The following ENOSF1 variants were observed in gnomAD, a reference collection of about 807,000 sequenced individuals.
ENOSF1 encodes the protein enolase superfamily member 1.
ENOSF1 carries 73 observed loss-of-function variants against 68.2 expected under a neutral mutation model. The observed-to-expected ratio is 1.07, with a 90% CI of 0.89 to 1.30. The LOEUF is 1.30. Ranked by LOEUF, ENOSF1 falls within the 50% of genes most tolerant of loss-of-function variation. The pLI is 0.00. For missense variants in ENOSF1, 589 were observed against 554.5 expected, an observed-to-expected ratio of 1.06 and a Z score of -0.62; for synonymous variants, 223 against 210.4, an observed-to-expected ratio of 1.06 and a Z score of -0.52.
downstream of ENOSF1, among the ~76,000 whole-genome samples, chr18:667,157 ATGGAGATGGTGATGGT>A (rs2074854927): frequency 5.2e-5 from 5 of 95,542 alleles, no homozygotes; most frequent in Admixed American, 9.3e-5. Context: ...GGTGATGGTG[ATGGAGATGGTGATGGT>A]GATGGTGATG....
intron 12 of ENOSF1, chr18:678,479 C>T (rs929607962): frequency 3.7e-5 from 20 of 535,354 alleles, no homozygotes; most frequent in African/African-American, 3.6e-4. Context: ...GAAAAAGATA[C>T]CCGACCTTAG....
At position 671,216 on chromosome 18, in the gene ENOSF1, T is replaced by C. The variant is rs904041316; in HGVS notation, c.*3089A>G. On this transcript the variant is annotated 3_prime_UTR_variant, in exon 16 of 16. Coordinates refer to ENST00000647584, the MANE Select transcript of ENOSF1 (RefSeq NM_017512.7). ...TGAGGTCTGGAGTTCAATACCAGCCTGGGCAACATAACAAGATGCTGTTGC... is the reference window on the plus strand; with the variant it reads ...TGAGGTCTGGAGTTCAATACCAGCCCGGGCAACATAACAAGATGCTGTTGC... 10 of 640,926 alleles carry C rather than the reference T, an allele frequency of 1.6e-5. No individual in the cohort carries two copies. Among genetic ancestry groups the C allele is most frequent in the Non-Finnish European group, 2.5e-5 (9 of 364,266 alleles). The allele number at this position is 640,926 out of a possible 1,614,324, so 39.7% of individuals were successfully genotyped here.
At chr18:703,709 G>A (rs187323744) in intron 2 of ENOSF1, among the ~76,000 whole-genome samples, 1 of 152,282 alleles carries the variant, frequency 6.6e-6, no homozygotes. Flanking sequence ...CCTTCCCTGA[G>A]CCTTTTGGAC....
At chr18:684,191 T>G (rs989767947) in intron 10 of ENOSF1, among the ~76,000 whole-genome samples, 2 of 151,862 alleles carry the variant, frequency 1.3e-5, no homozygotes, top group Non-Finnish European at 2.9e-5. Flanking sequence ...GAGACGGGGT[T>G]TCACCATGTT....
intron 7 of ENOSF1, chr18:690,832 G>C: frequency 7.0e-7 from 1 of 1,433,722 alleles, no homozygotes; most frequent in South Asian, 1.5e-5. Context: ...CTCCCCCAGG[G>C]CTCTCCCTAC....
chr18:685,105 C>A (rs1208393934), intron 10 of ENOSF1, among the ~76,000 whole-genome samples: 3 of 152,094 alleles, frequency 2.0e-5, no homozygotes, highest in Non-Finnish European at 4.4e-5. Flanking sequence ...CTCAAGTGAT[C>A]CACCTGCTTC....
At chr18:680,223 G>C (rs1322387429) in intron 11 of ENOSF1, among the ~76,000 whole-genome samples, 1 of 152,202 alleles carries the variant, frequency 6.6e-6, no homozygotes, top group African/African-American at 2.4e-5. Flanking sequence ...AGCCCCGCCT[G>C]TGCCACCCAA....
intron 11 of ENOSF1, 64 bp from the exon 12 acceptor site, chr18:678,801 A>T: frequency 1.3e-6 from 2 of 1,540,542 alleles, no homozygotes; most frequent in Non-Finnish European, 1.8e-6. Flanking sequence ...CCTAATGTTT[A>T]AAAACATTTA....
At chr18:670,104 T>G (rs1134338), downstream of ENOSF1, among the ~76,000 whole-genome samples, 1 of 151,378 alleles carries the variant, frequency 6.6e-6, no homozygotes, top group East Asian at 1.9e-4. Context: ...AGTGCAGTGG[T>G]GTGATCTCCG....
chr18:672,282 A>AAGTT lies in ENOSF1; in HGVS notation c.*2019_*2022dup, dbSNP rs1390042114. The AAGTT allele has an allele frequency of 2.0e-5, 3 of 152,206 alleles. No homozygotes were observed. Among genetic ancestry groups the AAGTT allele is most frequent in the African/African-American group, 7.2e-5 (3 of 41,440 alleles). 9.4% of individuals were successfully genotyped at this position (152,206 alleles called of 1,614,324 possible). A position where few individuals can be genotyped will look rare whatever the true frequency, so the allele number is the denominator to read the frequency against. On this transcript the variant is annotated 3_prime_UTR_variant, in exon 16 of 16. Transcript: ENST00000647584. ...CTTCCAGGTTAGATCCAGGTTTTAA[A>AAGTT]AGTTACTCCTTTGAGGGAGTTTGGC...
chr18:697,250 T>C lies in ENOSF1; in HGVS notation c.299A>G (p.Gln100Arg). The change falls in exon 3 of 16, where the codon CAG becomes CGG. Residue 100 changes from glutamine to arginine, a missense_variant. Physicochemically the swap from Gln to Arg is conservative, Grantham distance 43. Coordinates refer to ENST00000647584, the MANE Select transcript of ENOSF1 (RefSeq NM_017512.7). Reference protein sequence around the residue: ...GFYRQLTSDGQLRWIGPEKGV... With the variant: ...GFYRQLTSDGRLRWIGPEKGV... ...AAATAGGTCCCTTACCCATCTGAGC[T>C]GCCCATCACTTGTGAGCTGCCTATA... The C allele has an allele frequency of 6.2e-7, 1 of 1,613,490 alleles. No individual in the cohort carries two copies. Among genetic ancestry groups the C allele is most frequent in the Non-Finnish European group, 8.5e-7 (1 of 1,179,386 alleles).
Position 673,214 on chromosome 18 carries a change from T to C in ENOSF1, c.*1091A>G. On this transcript the variant is annotated 3_prime_UTR_variant, in exon 16 of 16. Transcript: ENST00000647584. Reference sequence around the variant, plus strand: ...GCTTTGAGTTAACTCACTGAGGGTATCTGACAATGCTGAGGTTATGAACAA... The same window carrying C: ...GCTTTGAGTTAACTCACTGAGGGTACCTGACAATGCTGAGGTTATGAACAA... 1 of 418,188 alleles carries C rather than the reference T, an allele frequency of 2.4e-6. No individual in the cohort carries two copies. The highest frequency in any genetic ancestry group is 4.2e-6 in the Non-Finnish European group (1 of 237,604). 25.9% of individuals were successfully genotyped at this position (418,188 alleles called of 1,614,324 possible). A position where few individuals can be genotyped will look rare whatever the true frequency, so the allele number is the denominator to read the frequency against.
intron 2 of ENOSF1, among the ~76,000 whole-genome samples, chr18:706,180 C>T (rs1407023925): frequency 1.3e-5 from 2 of 152,034 alleles, no homozygotes; most frequent in Non-Finnish European, 2.9e-5. Flanking sequence ...AGGTGAAAAG[C>T]ATCCTTGTAG....
At chr18:697,062 A>C (rs2077805262) in intron 3 of ENOSF1, among the ~76,000 whole-genome samples, 178 bp downstream of exon 3, 1 of 152,196 alleles carries the variant, frequency 6.6e-6, no homozygotes, top group African/African-American at 2.4e-5. Context: ...GGTTGCAGTG[A>C]GCCAAGATTG....
chr18:688,409 A>G, intron 9 of ENOSF1, 165 bp downstream of exon 9: 2 of 722,004 alleles, frequency 2.8e-6, no homozygotes, highest in Non-Finnish European at 4.5e-6. Flanking sequence ...CTGCCTTTAG[A>G]GAAAGAGCCT....
intron 3 of ENOSF1, among the ~76,000 whole-genome samples, chr18:696,894 A>C (rs1373679551): frequency 6.6e-6 from 1 of 152,156 alleles, no homozygotes; most frequent in African/African-American, 2.4e-5. Flanking sequence ...AGGAAGGCGG[A>C]TCACTTGAGG....
At chr18:686,191 TTCAG>T (rs2076598663) in intron 9 of ENOSF1, 183 bp from the exon 10 acceptor site, 3 of 594,808 alleles carry the variant, frequency 5.0e-6, no homozygotes, top group Non-Finnish European at 9.0e-6. Flanking sequence ...TATCTCTTCA[TTCAG>T]TATCAGGGCA....
Position 674,940 on chromosome 18 carries a change from C to T in ENOSF1, c.1230+381G>A, listed in dbSNP as rs570771949. Among the ~76,000 whole-genome samples the T allele has an allele frequency of 8.5e-5, 13 of 152,328 alleles. No homozygotes were observed. In the East Asian group the frequency reaches 2.5e-3, roughly 29 times the overall value. ...ATCAAACTCTTTGATAATAGTTTGA[C>T]CTCTGTTGGTGAAAATGAGCCATGA... is the stretch of plus-strand genomic sequence containing the variant. On this transcript the variant is annotated intron_variant, in intron 15 of 15. Transcript: ENST00000647584.
At chr18:678,569 T>A (rs1386899605) in intron 12 of ENOSF1, 127 bp downstream of exon 12, 1 of 902,170 alleles carries the variant, frequency 1.1e-6, no homozygotes, top group Non-Finnish European at 1.8e-6. Flanking sequence ...GTTTCTAAGA[T>A]GATGAAAATT....
Sources: gnomAD v4.1 joint callset for allele counts (sites outside exome capture counted in the v4.1 genomes callset) on GRCh38, gnomAD v4.1.1 for gene constraint, MANE v1.5 for transcripts, NCBI Gene and HGNC (gene_info 2026-07-23, HGNC 2026-07-21) for gene names.